The following NR6A1 variants were observed in gnomAD, a reference collection of about 807,000 sequenced individuals.
NR6A1 encodes the protein retinoic acid receptor-related testis-associated receptor.
A neutral mutation model predicts 59.1 loss-of-function variants in NR6A1; 7 were observed. The ratio of observed to expected loss-of-function variants is 0.12; its 90% CI spans 0.07 to 0.22. The LOEUF is 0.22. Ranked by LOEUF, NR6A1 falls within the 10% of genes least tolerant of loss-of-function variation. The pLI, the probability that NR6A1 is intolerant of heterozygous loss-of-function variation, is 1.00. For missense variants in NR6A1, 468 were observed against 611.6 expected, an observed-to-expected ratio of 0.77 and a Z score of 2.48; for synonymous variants, 243 against 236.1, an observed-to-expected ratio of 1.03 and a Z score of -0.27.
chr9:124,552,547 T>C (rs1002656169), intron 3 of NR6A1, among the ~76,000 whole-genome samples: 1 of 152,206 alleles, frequency 6.6e-6, no homozygotes, highest in African/African-American at 2.4e-5. Context: ...CTATGCCACA[T>C]GGTAGACATG....
intron 5 of NR6A1, among the ~76,000 whole-genome samples, chr9:124,539,568 G>A (rs1833381695): frequency 6.6e-6 from 1 of 152,160 alleles, no homozygotes; most frequent in Non-Finnish European, 1.5e-5. Context: ...TGAACCAAGA[G>A]TTTCTAAGTT....
At chr9:124,617,331 C>T (rs911176363) in intron 2 of NR6A1, among the ~76,000 whole-genome samples, 1 of 152,188 alleles carries the variant, frequency 6.6e-6, no homozygotes, top group African/African-American at 2.4e-5. Flanking sequence ...GTATATTCTG[C>T]CTGGTTTTTG....
chr9:124,755,402 G>T (rs1840606261), intron 1 of NR6A1, among the ~76,000 whole-genome samples: 2 of 152,148 alleles, frequency 1.3e-5, no homozygotes, highest in Admixed American at 1.3e-4. Flanking sequence ...TGTGATCTAA[G>T]AGTGACTAGG....
At chr9:124,628,887 C>T (rs963626143) in intron 2 of NR6A1, among the ~76,000 whole-genome samples, 10 of 151,830 alleles carry the variant, frequency 6.6e-5, no homozygotes, top group African/African-American at 2.4e-4. Context: ...CTCGAACTCC[C>T]GAGTTCAGGC....
chr9:124,707,282 TC>T (rs1839161627), intron 2 of NR6A1, among the ~76,000 whole-genome samples: 1 of 152,134 alleles, frequency 6.6e-6, no homozygotes, highest in Non-Finnish European at 1.5e-5. Context: ...GGCTGCTGAG[TC>T]CCTACTTTTC....
rs757798686 is a variant in NR6A1, at chr9:124,519,330, G to A, written c.*3375C>T. On this transcript the variant is annotated 3_prime_UTR_variant, in exon 10 of 10. Coordinates refer to ENST00000487099, the MANE Select transcript of NR6A1 (RefSeq NM_033334.4). ...ACCTCTCTTGTGAGTGGGGCATAGG[G>A]GCTGGGTGTCCTCTGAGCCAGGTTG... 1.3e-5 allele frequency: 2 copies of A among 152,220 alleles called. No homozygotes were observed. The highest frequency in any genetic ancestry group is 2.9e-5 in the Non-Finnish European group (2 of 68,066). The allele number at this position is 152,220 out of a possible 1,614,324, so 9.4% of individuals were successfully genotyped here. A position where few individuals can be genotyped will look rare whatever the true frequency, so the allele number is the denominator to read the frequency against.
intron 2 of NR6A1, among the ~76,000 whole-genome samples, chr9:124,576,018 C>G (rs1043590052): frequency 6.6e-6 from 1 of 152,164 alleles, no homozygotes; most frequent in Non-Finnish European, 1.5e-5. Flanking sequence ...TCTTGCATGC[C>G]TGGGGCGTAC....
chr9:124,519,744 CA>C lies in NR6A1; in HGVS notation c.*2960del. On this transcript the variant is annotated 3_prime_UTR_variant, in exon 10 of 10. Transcript: ENST00000487099. ...TGAAACAATGTTTCTACTAAAAATACAAAAAAAGTTAGCCGGGTGTGGTGGC... is the reference window on the plus strand; with the variant it reads ...TGAAACAATGTTTCTACTAAAAATACAAAAAAGTTAGCCGGGTGTGGTGGC... The C allele has an allele frequency of 6.6e-6, 1 of 151,732 alleles. No individual in the cohort carries two copies. Among genetic ancestry groups the C allele is most frequent in the Non-Finnish European group, 1.5e-5 (1 of 67,912 alleles). The allele number at this position is 151,732 out of a possible 1,614,324, so 9.4% of individuals were successfully genotyped here.
intron 1 of NR6A1, among the ~76,000 whole-genome samples, chr9:124,761,336 C>G (rs1289848653): frequency 6.6e-6 from 1 of 152,198 alleles, no homozygotes; most frequent in Non-Finnish European, 1.5e-5. Flanking sequence ...ACTGATCTTT[C>G]AACACCTATC....
intron 2 of NR6A1, among the ~76,000 whole-genome samples, chr9:124,676,698 G>A (rs1837972543): frequency 6.6e-6 from 1 of 152,174 alleles, no homozygotes; most frequent in African/African-American, 2.4e-5. Flanking sequence ...TTTATAGAGT[G>A]ATGATTACTT....
At chr9:124,769,310 C>T (rs1342076684) in intron 1 of NR6A1, among the ~76,000 whole-genome samples, 3 of 151,010 alleles carry the variant, frequency 2.0e-5, no homozygotes, top group African/African-American at 7.3e-5. Flanking sequence ...TCAGCAACAT[C>T]AAGTGAAGTT....
intron 1 of NR6A1, among the ~76,000 whole-genome samples, chr9:124,763,820 C>T (rs1010916560): frequency 6.6e-6 from 1 of 152,132 alleles, no homozygotes; most frequent in Non-Finnish European, 1.5e-5. Context: ...ATTTTTAATT[C>T]TTCCAAGGTG....
intron 6 of NR6A1, among the ~76,000 whole-genome samples, chr9:124,537,035 C>T (rs1436882676): frequency 2.6e-5 from 4 of 152,070 alleles, no homozygotes; most frequent in African/African-American, 7.2e-5. Context: ...CTCAAGGCCC[C>T]TTGCCAAGAC....
rs4836983 is a variant in NR6A1 at position 124,611,773 on chromosome 9, G to A, written c.143-57203C>T. Among the ~76,000 whole-genome samples the A allele has an allele frequency of 9.0e-3, 548 of 60,788 alleles. 4 individuals carry two copies. The highest frequency in any genetic ancestry group is 0.057 in the African/African-American group (504 of 8,806). 39.9% of individuals were successfully genotyped at this position (60,788 alleles called of 152,430 possible). On this transcript the variant is annotated intron_variant, in intron 2 of 9. Transcript: ENST00000487099. ...TTAGAGAGAGAGAGAGAGAGAGAGA[G>A]AGAGAGAGAATGAGAGAGAATGAGA...
chr9:124,590,946 CTT>C (rs1835101802), intron 2 of NR6A1, among the ~76,000 whole-genome samples: 1 of 152,182 alleles, frequency 6.6e-6, no homozygotes, highest in Admixed American at 6.5e-5. Context: ...CTGTAAAAGA[CTT>C]TCTGTAGAGA....
At chr9:124,592,585 T>C (rs1433077214) in intron 2 of NR6A1, among the ~76,000 whole-genome samples, 1 of 152,160 alleles carries the variant, frequency 6.6e-6, no homozygotes, top group Admixed American at 6.5e-5. Context: ...ATCCAGATAT[T>C]TTTCCTAGCC....
At position 124,645,633 on chromosome 9, in the gene NR6A1, A is replaced by T. The variant is rs1335033492; in HGVS notation, c.142+87675T>A. Among the ~76,000 whole-genome samples, 4 of 152,342 alleles carry T rather than the reference A, an allele frequency of 2.6e-5. No individual in the cohort carries two copies. The East Asian group carries it at 7.7e-4, about 29-fold the overall frequency. ...GTATGCACCTAGTAACAGAATGTCA[A>T]AATACCTGAAGCAAAACCTGATAGA... On this transcript the variant is annotated intron_variant, in intron 2 of 9. Coordinates refer to ENST00000487099, the MANE Select transcript of NR6A1 (RefSeq NM_033334.4).
intron 2 of NR6A1, among the ~76,000 whole-genome samples, chr9:124,718,985 A>G (rs1027552680): frequency 9.9e-5 from 15 of 151,510 alleles, no homozygotes; most frequent in African/African-American, 3.6e-4. Context: ...TGGTTATCCA[A>G]TTTTTTTTAC....
chr9:124,756,148 T>C (rs1036018461), intron 1 of NR6A1, among the ~76,000 whole-genome samples: 6 of 152,218 alleles, frequency 3.9e-5, no homozygotes, highest in South Asian at 2.1e-4. Flanking sequence ...TTTTAGCAAA[T>C]AGAATACCAT....
Sources: gnomAD v4.1 joint callset for allele counts (sites outside exome capture counted in the v4.1 genomes callset) on GRCh38, gnomAD v4.1.1 for gene constraint, MANE v1.5 for transcripts, NCBI Gene and HGNC (gene_info 2026-07-23, HGNC 2026-07-21) for gene names.